Variants in ANKS1B observed in about 807,000 individuals in gnomAD.
ANKS1B encodes ankyrin repeat and sterile alpha motif domain containing 1B, also known as ankyrin repeat and sterile alpha motif domain-containing protein 1B.
In ANKS1B, 36 loss-of-function variants were observed where a neutral mutation model predicts 148.3. The ratio of observed to expected loss-of-function variants is 0.24; its 90% CI spans 0.19 to 0.32. The LOEUF (loss-of-function observed/expected upper bound fraction) is 0.32, where lower values mean the gene tolerates loss of function less well. Among genes scored for constraint, ANKS1B ranks in the 10% least tolerant of loss-of-function variants. ANKS1B has a pLI of 1.00. For synonymous variants in ANKS1B, 542 were observed against 560.8 expected (o/e 0.97, Z 0.47); for missense variants, 1,157 against 1,542.6 (o/e 0.75, Z 4.19).
Position 98,900,655 on chromosome 12 carries a change from T to C in ANKS1B, c.2779-68519A>G, listed in dbSNP as rs1278751476. The stretch of plus-strand genomic sequence containing the variant: ...GTGAATCTTAGAAATAGAAATGTTT[T>C]AAATTGTGTGTTTGCAGGTGTGTAT... On this transcript the variant is annotated intron_variant, in intron 17 of 26. Coordinates refer to ENST00000683438, the MANE Select transcript of ANKS1B (RefSeq NM_001352186.2). Among the ~76,000 whole-genome samples the C allele has an allele frequency of 2.0e-5, 3 of 152,330 alleles. No homozygotes were observed. The East Asian group carries it at 5.8e-4, about 29-fold the overall frequency.
At chr12:98,872,960 T>C (rs975823491) in intron 17 of ANKS1B, among the ~76,000 whole-genome samples, 1 of 152,178 alleles carries the variant, frequency 6.6e-6, no homozygotes. Flanking sequence ...CTGCCAGTAA[T>C]ACAAAGATGA....
intron 19 of ANKS1B, among the ~76,000 whole-genome samples, chr12:98,822,561 T>G (rs2099206233): frequency 6.6e-6 from 1 of 152,224 alleles, no homozygotes; most frequent in Admixed American, 6.5e-5. Flanking sequence ...TTATATATTG[T>G]CAGATTTTTT....
intron 15 of ANKS1B, among the ~76,000 whole-genome samples, chr12:99,087,306 A>C (rs7313721): frequency 0.75 from 114,612 of 152,154 alleles, 43,402 homozygotes; most frequent in East Asian, 0.91. Context: ...GGAATGGCAC[A>C]ACAGCTAGGG....
intron 9 of ANKS1B, among the ~76,000 whole-genome samples, chr12:99,580,264 G>A (rs2097557983): frequency 6.6e-6 from 1 of 151,976 alleles, no homozygotes; most frequent in African/African-American, 2.4e-5. Context: ...CTACCTGGGT[G>A]ACAAAATCAT....
chr12:98,841,733 G>A (rs891399487), intron 17 of ANKS1B, among the ~76,000 whole-genome samples: 1 of 152,030 alleles, frequency 6.6e-6, no homozygotes, highest in African/African-American at 2.4e-5. Context: ...TGAGTCCCAA[G>A]GATGAGTTCA....
At chr12:99,556,069 T>C (rs1011839753) in intron 9 of ANKS1B, among the ~76,000 whole-genome samples, 1 of 152,186 alleles carries the variant, frequency 6.6e-6, no homozygotes, top group Non-Finnish European at 1.5e-5. Context: ...ATCCAGGGCT[T>C]TTCCTGGTTG....
Position 99,840,702 on chromosome 12 carries a change from C to T in ANKS1B, c.135-15313G>A, listed in dbSNP as rs544213868. ...ATGAGCAACTAGAAAATTGGAATTGCCATTTATTAATTTGGATAAGTTTGC... is the reference window on the plus strand; with the variant it reads ...ATGAGCAACTAGAAAATTGGAATTGTCATTTATTAATTTGGATAAGTTTGC... On this transcript the variant is annotated intron_variant, in intron 1 of 26. Transcript: ENST00000683438. 7.2e-4 allele frequency among the ~76,000 whole-genome samples: 109 copies of T among 152,124 alleles called. 1 individual carries two copies. Among genetic ancestry groups the T allele is most frequent in the African/African-American group, 2.6e-3 (109 of 41,522 alleles).
intron 9 of ANKS1B, among the ~76,000 whole-genome samples, chr12:99,605,636 C>T (rs1460489723): frequency 6.6e-6 from 1 of 152,090 alleles, no homozygotes; most frequent in South Asian, 2.1e-4. Flanking sequence ...TTTCCAGCCT[C>T]ATCCATGTTG....
intron 17 of ANKS1B, among the ~76,000 whole-genome samples, chr12:98,861,793 T>C (rs1283017934): frequency 6.6e-6 from 1 of 152,170 alleles, no homozygotes; most frequent in Non-Finnish European, 1.5e-5. Flanking sequence ...GTGCTCAAGG[T>C]CACCCACAGT....
chr12:99,737,580 C>A (rs1193843969), intron 8 of ANKS1B, among the ~76,000 whole-genome samples: 1 of 152,002 alleles, frequency 6.6e-6, no homozygotes, highest in Non-Finnish European at 1.5e-5. Context: ...TTATCCATTG[C>A]CTAGAGGATA....
At chr12:99,153,764 T>C (rs17465160) in intron 15 of ANKS1B, among the ~76,000 whole-genome samples, 1,853 of 152,298 alleles carry the variant, frequency 0.012, 15 homozygotes, top group Middle Eastern at 0.02. Context: ...CTCTCCATAA[T>C]TGACCATCTG....
At chr12:99,223,082 C>T (rs2153940108) in intron 14 of ANKS1B, among the ~76,000 whole-genome samples, 1 of 152,260 alleles carries the variant, frequency 6.6e-6, no homozygotes, top group Non-Finnish European at 1.5e-5. Flanking sequence ...TAGAATTGGC[C>T]TCACAGTTTC....
In ANKS1B at chr12:99,648,866, G is replaced by T. The variant is rs2098399384; in HGVS notation, c.1272+6201C>A. On this transcript the variant is annotated intron_variant, in intron 9 of 26. Coordinates refer to ENST00000683438, the MANE Select transcript of ANKS1B (RefSeq NM_001352186.2). ...GTACAGGTCCTGTAAAGCCTTTGGT[G>T]CTGCAGCTCACCTGGGAAATGCATT... The T allele has an allele frequency of 2.0e-6, 3 of 1,487,638 alleles. No individual in the cohort carries two copies. The Admixed American group carries it at 7.5e-5, about 37-fold the overall frequency. The allele number at this position is 1,487,638 out of a possible 1,614,324, so 92.2% of individuals were successfully genotyped here. A position where few individuals can be genotyped will look rare whatever the true frequency, so the allele number is the denominator to read the frequency against.
chr12:99,205,371 G>A (rs1453404503), intron 14 of ANKS1B, among the ~76,000 whole-genome samples: 2 of 152,146 alleles, frequency 1.3e-5, no homozygotes, highest in African/African-American at 2.4e-5. Flanking sequence ...TTATTTTAGA[G>A]AATGAGGTAC....
In ANKS1B at chr12:98,832,049, G is replaced by A. The variant is rs1347775662; in HGVS notation, c.2866C>T (p.Pro956Ser). The A allele has an allele frequency of 6.3e-7, 1 of 1,595,778 alleles. No homozygotes were observed. The highest frequency in any genetic ancestry group is 1.3e-5 in the African/African-American group (1 of 74,742). ...RLHDDPPQKP[P>S]RSITLREPSG... ...CTTACCCTGAGGGTGATGGACCGAG[G>A]GGGCTTCTGTGGGGGATCGTCGTGC... The change falls in exon 18 of 27, where the codon CCT (proline) becomes TCT (serine). Residue 956 changes from proline to serine, a missense_variant. By Grantham distance (74) the Pro-to-Ser change is moderately conservative. This residue lies in a region of ANKS1B where 258 missense variants were observed against 497.0 expected (regional missense o/e 0.52). Coordinates refer to ENST00000683438, the MANE Select transcript of ANKS1B (RefSeq NM_001352186.2).
At chr12:99,731,413 CGTGTGTGTGTGTGTGTGTGTGTGT>C (rs71088145) in intron 8 of ANKS1B, among the ~76,000 whole-genome samples, 3 of 143,726 alleles carry the variant, frequency 2.1e-5, no homozygotes, top group Non-Finnish European at 3.0e-5. Flanking sequence ...ACCACCGTGC[CGTGTGTGTGTGTGTGTGTGTGTGT>C]GTGTGTGTGT....
At chr12:98,843,474 C>T (rs1365070216) in intron 17 of ANKS1B, among the ~76,000 whole-genome samples, 2 of 152,216 alleles carry the variant, frequency 1.3e-5, no homozygotes, top group African/African-American at 4.8e-5. Flanking sequence ...CACCATGCTT[C>T]TTGAACTTCC....
chr12:98,968,791 A>G (rs570581584), intron 17 of ANKS1B, among the ~76,000 whole-genome samples: 29 of 141,850 alleles, frequency 2.0e-4, no homozygotes, highest in African/African-American at 7.3e-4. Context: ...GGAGGGAGGG[A>G]GGGAGGGTAA....
intron 26 of ANKS1B, among the ~76,000 whole-genome samples, chr12:98,746,714 C>T (rs1176539314): frequency 6.6e-6 from 1 of 152,120 alleles, no homozygotes; most frequent in East Asian, 1.9e-4. Flanking sequence ...ATAATAGGCA[C>T]ACAATAAATA....
Sources: allele counts gnomAD v4.1 joint callset (sites outside exome capture counted in the v4.1 genomes callset), GRCh38; gene constraint gnomAD v4.1.1; regional missense constraint gnomAD v4.1.1; transcripts MANE v1.5; gene names NCBI Gene and HGNC (gene_info 2026-07-23, HGNC 2026-07-21).